The following GLDC variants were observed in gnomAD, a reference collection of about 807,000 sequenced individuals.
The protein encoded by GLDC is glycine dehydrogenase (decarboxylating), mitochondrial.
Under a neutral mutation model 121.3 loss-of-function variants are expected in GLDC, and 104 were observed. The ratio of observed to expected loss-of-function variants is 0.86; its 90% CI spans 0.73 to 1.01. The LOEUF (loss-of-function observed/expected upper bound fraction) is 1.01, where lower values mean the gene tolerates loss of function less well. Among genes scored for constraint, GLDC ranks in the 50% least tolerant of loss-of-function variants. GLDC has a pLI of 0.00. For synonymous variants in GLDC, 546 were observed against 480.6 expected, an observed-to-expected ratio of 1.14 and a Z score of -1.78; for missense variants, 1,429 against 1,306.6, an observed-to-expected ratio of 1.09 and a Z score of -1.44.
Position 6,610,376 on chromosome 9 carries a change from T to C in GLDC, c.471-20A>G, listed in dbSNP as rs750857265. The C allele has an allele frequency of 3.1e-5, 50 of 1,613,268 alleles. 1 individual carries two copies. The Middle Eastern group carries it at 4.9e-4, about 16-fold the overall frequency. ...GTGATCCTGCAAGGGAAACAAAAGGTCTTGTCCAAACTGACTGCTGTTTAG... is the reference window on the plus strand; with the variant it reads ...GTGATCCTGCAAGGGAAACAAAAGGCCTTGTCCAAACTGACTGCTGTTTAG... On this transcript the variant is annotated intron_variant, in intron 3 of 24. Transcript: ENST00000321612.
chr9:6,640,205 A>G (rs1021520459), intron 2 of GLDC, among the ~76,000 whole-genome samples: 14 of 152,212 alleles, frequency 9.2e-5, no homozygotes, highest in African/African-American at 3.1e-4. Flanking sequence ...TCATTTAGCT[A>G]ATCTTTACTG....
At chr9:6,623,609 CAATAAAAAAAAA>C (rs1819167861) in intron 2 of GLDC, among the ~76,000 whole-genome samples, 1 of 147,480 alleles carries the variant, frequency 6.8e-6, no homozygotes, top group Non-Finnish European at 1.5e-5. Context: ...CAAGAATGAT[CAATAAAAAAAAA>C]AATAAAAAAA....
intron 2 of GLDC, among the ~76,000 whole-genome samples, chr9:6,626,384 A>T (rs1819238496): frequency 6.6e-6 from 1 of 152,242 alleles, no homozygotes; most frequent in African/African-American, 2.4e-5. Flanking sequence ...GATTGAAATA[A>T]AAAGATAAAA....
intron 19 of GLDC, among the ~76,000 whole-genome samples, chr9:6,553,999 A>T (rs1817566969): frequency 6.6e-6 from 1 of 152,178 alleles, no homozygotes; most frequent in Admixed American, 6.5e-5. Context: ...AGAAAAAAAA[A>T]ACAAGAAAGA....
intron 8 of GLDC, among the ~76,000 whole-genome samples, chr9:6,601,379 C>A (rs556334491): frequency 6.6e-6 from 1 of 152,116 alleles, no homozygotes; most frequent in South Asian, 2.1e-4. Context: ...TACTAGAGAC[C>A]CTGATATCCA....
At chr9:6,586,319 A>G (rs1818271700) in intron 15 of GLDC, among the ~76,000 whole-genome samples, 1 of 152,148 alleles carries the variant, frequency 6.6e-6, no homozygotes, top group Admixed American at 6.6e-5. Flanking sequence ...ATAAATAAAA[A>G]TAAAAATAAA....
At chr9:6,560,454 T>G (rs1409418990) in intron 16 of GLDC, among the ~76,000 whole-genome samples, 3 of 152,254 alleles carry the variant, frequency 2.0e-5, no homozygotes, top group Non-Finnish European at 4.4e-5. Flanking sequence ...TATGTCACGT[T>G]GTCCTCAAAT....
chr9:6,569,186 AG>A (rs1817906422), intron 15 of GLDC: 1 of 152,230 alleles, frequency 6.6e-6, no homozygotes, highest in African/African-American at 2.4e-5. Flanking sequence ...AAAAAAAAAA[AG>A]AATTTGTAGA....
intron 16 of GLDC, among the ~76,000 whole-genome samples, chr9:6,560,945 A>C (rs1193081301): frequency 6.6e-6 from 1 of 152,214 alleles, no homozygotes; most frequent in African/African-American, 2.4e-5. Flanking sequence ...ATGGGACCAC[A>C]GAGGGAGCGG....
chr9:6,611,448 C>T (rs557115874), intron 3 of GLDC, among the ~76,000 whole-genome samples: 2 of 151,878 alleles, frequency 1.3e-5, no homozygotes, highest in African/African-American at 2.4e-5. Context: ...CCCAGCTACT[C>T]AGGAGGCTGA....
chr9:6,558,804 T>A, intron 16 of GLDC, 120 bp from the exon 17 acceptor site: 1 of 1,006,988 alleles, frequency 9.9e-7, no homozygotes. Flanking sequence ...TTATTTAGGC[T>A]GAACACTAGT....
In GLDC at chr9:6,558,679, G is replaced by A. The variant is rs111348076; in HGVS notation, c.1932C>T (p.Cys644=). The A allele has an allele frequency of 5.9e-5, 96 of 1,614,126 alleles. 1 individual carries two copies. In the African/African-American group the frequency reaches 9.6e-4, roughly 16 times the overall value. The change falls in exon 17 of 25, where the codon TGC becomes TGT. Residue 644 remains cysteine (C), a synonymous_variant. Transcript: ENST00000321612. ...NQKGEGHRTV[C]LIPKSAHGTN... Reference sequence around the variant, plus strand: ...TCCCATGTGCTGATTTCGGAATGAGGCAAACCTACAGAATAGAAAGGAAGC... The same window carrying A: ...TCCCATGTGCTGATTTCGGAATGAGACAAACCTACAGAATAGAAAGGAAGC...
In GLDC at chr9:6,588,417, C is replaced by T; in HGVS notation, c.1691G>A (p.Ser564Asn). The T allele has an allele frequency of 6.2e-7, 1 of 1,612,254 alleles. No individual in the cohort carries two copies. ...PLGSCTMKLN[S>N]SSELAPITWK... ...GCTACTTACTGCGAGTTCAGACGAA[C>T]TGTTCAGTTTCATGGTGCAGGATCC... Residue 564 changes from serine to asparagine, a missense_variant, in exon 14 of 25, where the codon AGT becomes AAT. By Grantham distance (46) the Ser-to-Asn change is conservative. Transcript: ENST00000321612.
intron 15 of GLDC, among the ~76,000 whole-genome samples, chr9:6,586,170 C>T (rs1035003445): frequency 7.9e-5 from 12 of 152,110 alleles, no homozygotes. Context: ...TAGCACATGC[C>T]TGTAATCCCA....
chr9:6,592,957 T>A lies in GLDC; in HGVS notation c.1295A>T (p.Asp432Val). 2 of 1,614,116 alleles carry A rather than the reference T, an allele frequency of 1.2e-6. No individual in the cohort carries two copies. The highest frequency in any genetic ancestry group is 1.7e-6 in the Non-Finnish European group (2 of 1,179,962). ...LKRAGHQLQH[D>V]LFFDTLKIQC... The stretch of plus-strand genomic sequence containing the variant: ...AATCTTCAAGGTATCAAAGAACAGG[T>A]CATGCTGGAGTTGATGCCCTGCTCG... The change falls in exon 10 of 25, where the codon GAC becomes GTC. Residue 432 changes from aspartate (D) to valine (V), a missense_variant. Coordinates refer to ENST00000321612, the MANE Select transcript of GLDC (RefSeq NM_000170.3).
At chr9:6,556,064 G>A (rs1042340088) in intron 18 of GLDC, 89 bp downstream of exon 18, 2 of 1,117,142 alleles carry the variant, frequency 1.8e-6, no homozygotes, top group Non-Finnish European at 2.7e-6. Flanking sequence ...CCCTCAGGCA[G>A]GAAGCCTCTC....
chr9:6,615,537 G>A (rs2129934159), intron 3 of GLDC, among the ~76,000 whole-genome samples: 1 of 151,388 alleles, frequency 6.6e-6, no homozygotes, highest in Non-Finnish European at 1.5e-5. Flanking sequence ...AGCTATTAGA[G>A]CACCACTGTA....
chr9:6,538,662 A>C (rs1386115063), intron 22 of GLDC, among the ~76,000 whole-genome samples: 1 of 152,238 alleles, frequency 6.6e-6, no homozygotes, highest in Non-Finnish European at 1.5e-5. Flanking sequence ...GTCAGGAGAC[A>C]ACATGATTCA....
intron 21 of GLDC, chr9:6,540,809 C>G (rs1817241622): frequency 6.6e-6 from 1 of 152,412 alleles, no homozygotes; most frequent in African/African-American, 2.4e-5. Flanking sequence ...AATGACATAT[C>G]CCTTATTTGA....
Sources: gnomAD v4.1 joint callset for allele counts (sites outside exome capture counted in the v4.1 genomes callset) on GRCh38, gnomAD v4.1.1 for gene constraint, MANE v1.5 for transcripts, NCBI Gene and HGNC (gene_info 2026-07-23, HGNC 2026-07-21) for gene names.